CDH12: variants seen among roughly 807,000 people sequenced by gnomAD.
CDH12 encodes cadherin-12.
In CDH12, 41 loss-of-function variants were observed where a neutral mutation model predicts 74.1. The ratio of observed to expected loss-of-function variants is 0.55; its 90% CI spans 0.43 to 0.72. The LOEUF is 0.72. CDH12 is among the 30% of genes least tolerant of loss of function. The probability of loss-of-function intolerance (pLI) is 0.00; values close to 1 mark genes in which losing one functional copy is unlikely to be tolerated. For synonymous variants in CDH12, 399 were observed against 355.0 expected (o/e 1.12, Z -1.39); for missense variants, 945 against 977.2 (o/e 0.97, Z 0.44).
intron 2 of CDH12, among the ~76,000 whole-genome samples, chr5:22,493,259 C>T (rs1020496254): frequency 1.3e-5 from 2 of 152,106 alleles, no homozygotes; most frequent in African/African-American, 4.8e-5. Flanking sequence ...CTTTATTATG[C>T]ATTATTAGTC....
At chr5:22,123,147 T>C (rs1376072371) in intron 4 of CDH12, among the ~76,000 whole-genome samples, 1 of 152,190 alleles carries the variant, frequency 6.6e-6, no homozygotes, top group African/African-American at 2.4e-5. Context: ...GTGGGGCTTG[T>C]GGTAGGTATA....
intron 1 of CDH12, among the ~76,000 whole-genome samples, chr5:22,848,136 G>T (rs1376309002): frequency 1.3e-5 from 2 of 152,066 alleles, no homozygotes; most frequent in African/African-American, 2.4e-5. Context: ...CCTTCATTAT[G>T]TACTAACTCT....
At chr5:22,516,864 A>G (rs1264573530) in intron 1 of CDH12, among the ~76,000 whole-genome samples, 1 of 152,130 alleles carries the variant, frequency 6.6e-6, no homozygotes, top group African/African-American at 2.4e-5. Context: ...AAAAAGAAAA[A>G]CAGTATATTA....
intron 5 of CDH12, among the ~76,000 whole-genome samples, chr5:21,976,738 C>T (rs148591952): frequency 0.017 from 2,546 of 152,068 alleles, 55 homozygotes; most frequent in African/African-American, 0.05. Context: ...GCATTTCTAA[C>T]CATTTGGGCT....
chr5:22,632,935 G>A lies in CDH12; in HGVS notation c.-522-127571C>T, dbSNP rs548525169. On this transcript the variant is annotated intron_variant, in intron 1 of 14. Coordinates refer to ENST00000382254, the MANE Select transcript of CDH12 (RefSeq NM_004061.5). ...AGAACCTCAAAAGCAGAAAAAAAAA[G>A]AACAAAAACAAAGCAGGATAAATAT... Among the ~76,000 whole-genome samples, 869 of 151,046 alleles carry A rather than the reference G, an allele frequency of 5.8e-3. 10 individuals carry two copies. Among genetic ancestry groups the A allele is most frequent in the Non-Finnish European group, 8.6e-3 (582 of 67,614 alleles).
chr5:22,487,300 C>T (rs749349213), intron 2 of CDH12, among the ~76,000 whole-genome samples: 2 of 151,994 alleles, frequency 1.3e-5, no homozygotes, highest in African/African-American at 4.8e-5. Context: ...CTGTACCTGG[C>T]CAATGCATAT....
At chr5:22,788,518 T>C (rs1747754098) in intron 1 of CDH12, among the ~76,000 whole-genome samples, 1 of 149,186 alleles carries the variant, frequency 6.7e-6, no homozygotes, top group Non-Finnish European at 1.5e-5. Context: ...TTCTTTATAA[T>C]ATAAAAATTT....
chr5:21,882,377 T>C (rs551243301), intron 6 of CDH12, among the ~76,000 whole-genome samples: 1 of 152,356 alleles, frequency 6.6e-6, no homozygotes, highest in Admixed American at 6.5e-5. Context: ...TATTTCAAAT[T>C]GATTTTTAAA....
chr5:21,751,493 C>G lies in CDH12; in HGVS notation c.*244G>C, dbSNP rs575685124. 1 of 438,478 alleles carries G rather than the reference C, an allele frequency of 2.3e-6. No individual in the cohort carries two copies. Among genetic ancestry groups the G allele is most frequent in the African/African-American group, 2.0e-5 (1 of 51,122 alleles). 27.2% of individuals were successfully genotyped at this position (438,478 alleles called of 1,614,324 possible). A position where few individuals can be genotyped will look rare whatever the true frequency, so the allele number is the denominator to read the frequency against. ...ATTGTGAAAAAACAAAACAACAAAA[C>G]AAAGCAAGTACACATTATAGGATGT... is the stretch of plus-strand genomic sequence containing the variant. On this transcript the variant is annotated 3_prime_UTR_variant, in exon 15 of 15. Transcript: ENST00000382254.
At chr5:22,673,969 C>T (rs760526101) in intron 1 of CDH12, among the ~76,000 whole-genome samples, 2 of 152,132 alleles carry the variant, frequency 1.3e-5, no homozygotes, top group Non-Finnish European at 2.9e-5. Flanking sequence ...TCTGTGACAA[C>T]ACGTCTAGGT....
intron 5 of CDH12, among the ~76,000 whole-genome samples, chr5:21,979,560 A>C (rs1757217412): frequency 6.6e-6 from 1 of 152,214 alleles, no homozygotes; most frequent in Non-Finnish European, 1.5e-5. Flanking sequence ...TATATTTTAG[A>C]AACTACTGCA....
intron 5 of CDH12, among the ~76,000 whole-genome samples, chr5:22,020,819 T>C (rs10044062): frequency 0.36 from 55,304 of 151,876 alleles, 13,517 homozygotes; most frequent in African/African-American, 0.7. Context: ...TCACATTAGA[T>C]GTTAGGGCTT....
chr5:22,615,728 T>C (rs180895697), intron 1 of CDH12, among the ~76,000 whole-genome samples: 13 of 152,278 alleles, frequency 8.5e-5, no homozygotes, highest in African/African-American at 2.2e-4. Flanking sequence ...AAAATAATTT[T>C]TCCTTTTCAG....
At chr5:22,160,337 T>C (rs1175001581) in intron 4 of CDH12, among the ~76,000 whole-genome samples, 1 of 152,228 alleles carries the variant, frequency 6.6e-6, no homozygotes, top group Non-Finnish European at 1.5e-5. Context: ...GGTATCTTCA[T>C]GGCTGGATAT....
rs1260649309 is a variant in CDH12 at position 22,047,486 on chromosome 5, T to G, written c.231+30960A>C. ...TTTAGGTCTCCATACCTATATTTTA[T>G]ATGCAGGTATAAAAGAAAATATGAA... On this transcript the variant is annotated intron_variant, in intron 5 of 14. Coordinates refer to ENST00000382254, the MANE Select transcript of CDH12 (RefSeq NM_004061.5). 3.9e-5 allele frequency among the ~76,000 whole-genome samples: 6 copies of G among 152,170 alleles called. No homozygotes were observed. In the South Asian group the frequency reaches 8.3e-4, roughly 21 times the overall value.
chr5:21,919,417 A>G (rs13164122), intron 6 of CDH12, among the ~76,000 whole-genome samples: 1,692 of 152,250 alleles, frequency 0.011, 14 homozygotes, highest in Non-Finnish European at 0.018. Flanking sequence ...AAATTTAAAC[A>G]TGTTTTTATC....
intron 6 of CDH12, among the ~76,000 whole-genome samples, chr5:21,860,107 G>A (rs531546507): frequency 4.6e-5 from 7 of 152,054 alleles, no homozygotes; most frequent in African/African-American, 1.7e-4. Context: ...TACCAGCCAC[G>A]ACCACGTGAC....
In CDH12 at chr5:21,833,195, AAT is replaced by A. The variant is rs1270703039; in HGVS notation, c.814+8964_814+8965del. On this transcript the variant is annotated intron_variant, in intron 8 of 14. Coordinates refer to ENST00000382254, the MANE Select transcript of CDH12 (RefSeq NM_004061.5). ...TATAAATATATATTATATAACATAT[AAT>A]ATATATATTATAATATATATTATAT... Among the ~76,000 whole-genome samples, 17 of 37,338 alleles carry A rather than the reference AAT, an allele frequency of 4.6e-4. 3 individuals carry two copies. Among genetic ancestry groups the A allele is most frequent in the African/African-American group, 9.9e-4 (4 of 4,058 alleles). The allele number at this position is 37,338 out of a possible 152,430, so 24.5% of individuals were successfully genotyped here. A position where few individuals can be genotyped will look rare whatever the true frequency, so the allele number is the denominator to read the frequency against.
intron 1 of CDH12, among the ~76,000 whole-genome samples, chr5:22,807,810 C>G (rs948688612): frequency 2.0e-5 from 3 of 151,488 alleles, no homozygotes; most frequent in African/African-American, 7.4e-5. Context: ...ATGAATGGAG[C>G]TTGCAGTTCC....
Sources: allele counts gnomAD v4.1 joint callset (sites outside exome capture counted in the v4.1 genomes callset), GRCh38; gene constraint gnomAD v4.1.1; transcripts MANE v1.5; gene names NCBI Gene and HGNC (gene_info 2026-07-23, HGNC 2026-07-21).